Variants in CNTRL observed in about 807,000 individuals in gnomAD.
CNTRL encodes the protein 110 kDa centrosomal protein.
Under a neutral mutation model 303.7 loss-of-function variants are expected in CNTRL, and 233 were observed. That is an observed-to-expected ratio of 0.77 (90% CI 0.69 to 0.86). CNTRL has a LOEUF of 0.86. Ranked by LOEUF, CNTRL falls within the 40% of genes least tolerant of loss-of-function variation. The pLI, the probability that CNTRL is intolerant of heterozygous loss-of-function variation, is 0.00. For synonymous variants in CNTRL, 900 were observed against 922.2 expected (o/e 0.98, Z 0.44); for missense variants, 2,524 against 2,650.6 (o/e 0.95, Z 1.05).
rs1399281816 is a variant in CNTRL, at chr9:121,135,987, G to A, written c.2202+5G>A. 2.5e-6 allele frequency: 4 copies of A among 1,589,050 alleles called. No homozygotes were observed. Among genetic ancestry groups the A allele is most frequent in the Non-Finnish European group, 3.4e-6 (4 of 1,163,318 alleles). ...AAAGTAACAAGACTTACCCAGGTAA[G>A]TAGGAGCATGAAGCCAACTGCAAAC... On this transcript the variant is annotated splice_donor_5th_base_variant and intron_variant, in intron 15 of 43. Coordinates refer to ENST00000373855, the MANE Select transcript of CNTRL (RefSeq NM_007018.6).
intron 2 of CNTRL, among the ~76,000 whole-genome samples, chr9:121,080,815 C>A (rs995697043): frequency 2.2e-4 from 33 of 152,206 alleles, no homozygotes; most frequent in African/African-American, 7.7e-4. Flanking sequence ...TCCTTTCTGG[C>A]CCATCATAAA....
At chr9:121,076,007 T>C (rs1179381485) in intron 1 of CNTRL, among the ~76,000 whole-genome samples, 2 of 152,242 alleles carry the variant, frequency 1.3e-5, no homozygotes, top group Non-Finnish European at 2.9e-5. Context: ...TCTTTGAGGA[T>C]TTAAATTTGG....
At chr9:121,175,362 G>GCTCAAGTGATCCTCCCACCTCAGC in intron 43 of CNTRL, 138 bp downstream of exon 43, 1 of 747,096 alleles carries the variant, frequency 1.3e-6, no homozygotes, top group East Asian at 2.8e-5. Context: ...GACCTCCCAG[G>GCTCAAGTGATCCTCCCACCTCAGC]CTCAAGTGAT....
chr9:121,112,646 G>C (rs1250536475), intron 9 of CNTRL, 68 bp downstream of exon 9: 4 of 1,491,748 alleles, frequency 2.7e-6, no homozygotes, highest in Non-Finnish European at 3.7e-6. Flanking sequence ...GGGAGGGCAG[G>C]TGGTGAGGAC....
chr9:121,113,092 ATATAT>A (rs939451100), intron 9 of CNTRL, among the ~76,000 whole-genome samples: 16 of 152,316 alleles, frequency 1.1e-4, no homozygotes, highest in South Asian at 8.3e-4. Flanking sequence ...AATTATTAAA[ATATAT>A]TATACTGATG....
In CNTRL at chr9:121,171,533, G is replaced by A. The variant is rs370142724; in HGVS notation, c.6402G>A (p.Thr2134=). 58 of 1,613,544 alleles carry A rather than the reference G, an allele frequency of 3.6e-5. 1 individual carries two copies. Among genetic ancestry groups the A allele is most frequent in the Admixed American group, 1.7e-4 (10 of 59,948 alleles). The change falls in exon 40 of 44, where the codon ACG becomes ACA. Residue 2134 remains threonine, a synonymous_variant. Transcript: ENST00000373855. The part of the protein sequence containing the change: ...KELNQMQYEY[T]ELKKQMANQK... The stretch of plus-strand genomic sequence containing the variant: ...TCAACCAGATGCAGTATGAGTACAC[G>A]GAGCTCAAGAAACAGGTGTGTGCCC...
At position 121,170,701 on chromosome 9, in the gene CNTRL, A is replaced by C. The variant is rs1175375730; in HGVS notation, c.6277-707A>C. On this transcript the variant is annotated intron_variant, in intron 39 of 43. Transcript: ENST00000373855. Reference sequence around the variant, plus strand: ...CACTCCTGACCTTGTGATCCACACGACTTGGCCTCCCAAAGTGCTGGGATT... The same window carrying C: ...CACTCCTGACCTTGTGATCCACACGCCTTGGCCTCCCAAAGTGCTGGGATT... Among the ~76,000 whole-genome samples, 4 of 151,384 alleles carry C rather than the reference A, an allele frequency of 2.6e-5. No homozygotes were observed. The East Asian group carries it at 7.8e-4, about 30-fold the overall frequency.
chr9:121,113,735 G>T lies in CNTRL; in HGVS notation c.1345+11G>T, dbSNP rs766218059. 1.4e-6 allele frequency: 2 copies of T among 1,480,406 alleles called. No individual in the cohort carries two copies. Among genetic ancestry groups the T allele is most frequent in the South Asian group, 1.4e-5 (1 of 71,474 alleles). The allele number at this position is 1,480,406 out of a possible 1,614,324, so 91.7% of individuals were successfully genotyped here. A position where few individuals can be genotyped will look rare whatever the true frequency, so the allele number is the denominator to read the frequency against. On this transcript the variant is annotated intron_variant, in intron 10 of 43. Coordinates refer to ENST00000373855, the MANE Select transcript of CNTRL (RefSeq NM_007018.6). ...AAAAAATAAGTGCAGGTTAAAAAAA[G>T]TTATTTTAAATTCTTTAAAAAAAAA...
chr9:121,173,423 T>C lies in CNTRL; in HGVS notation c.6598T>C (p.Leu2200=). 1 of 1,613,970 alleles carries C rather than the reference T, an allele frequency of 6.2e-7. No individual in the cohort carries two copies. The highest frequency in any genetic ancestry group is 8.5e-7 in the Non-Finnish European group (1 of 1,180,004). ...LERNENLEGE[L]ESLKENLPFT... ...AAGAAACGAAAACCTAGAAGGAGAA[T>C]TGGAAAGCTTGAAAGAGAACCTTCC... The change falls in exon 41 of 44, where the codon TTG becomes CTG. Residue 2200 remains leucine, a synonymous_variant. Transcript: ENST00000373855.
chr9:121,122,211 T>G (rs773898240), intron 12 of CNTRL, among the ~76,000 whole-genome samples: 11 of 152,238 alleles, frequency 7.2e-5, no homozygotes, highest in Non-Finnish European at 1.3e-4. Context: ...AAGAAATTAT[T>G]TCTTGAGCCA....
At position 121,154,748 on chromosome 9, in the gene CNTRL, T is replaced by G. The variant is rs772110563; in HGVS notation, c.4200T>G (p.Ser1400Arg). 11 of 1,606,970 alleles carry G rather than the reference T, an allele frequency of 6.8e-6. No homozygotes were observed. The East Asian group carries it at 2.2e-4, about 33-fold the overall frequency. The change falls in exon 27 of 44, where the codon AGT (serine) becomes AGG (arginine). Residue 1400 changes from serine to arginine, a missense_variant. Coordinates refer to ENST00000373855, the MANE Select transcript of CNTRL (RefSeq NM_007018.6). ...ACTTCATTGATGGAAATGTTGAGAGTCTTATGACTGAACTAGAAATAGAAA... is the reference window on the plus strand; with the variant it reads ...ACTTCATTGATGGAAATGTTGAGAGGCTTATGACTGAACTAGAAATAGAAA... The part of the protein sequence containing the change: ...QKDFIDGNVE[S>R]LMTELEIEKS...
chr9:121,130,546 G>A (rs575772663), intron 14 of CNTRL, among the ~76,000 whole-genome samples: 4 of 151,724 alleles, frequency 2.6e-5, no homozygotes, highest in Admixed American at 6.6e-5. Context: ...TCTTGCTAGC[G>A]GTCTATCTAT....
chr9:121,131,809 C>T (rs2050877494), intron 14 of CNTRL, among the ~76,000 whole-genome samples: 1 of 152,158 alleles, frequency 6.6e-6, no homozygotes. Context: ...CCTTCAGGAG[C>T]TCTTGTAAGG....
chr9:121,096,645 A>C, intron 6 of CNTRL, 82 bp downstream of exon 6: 1 of 1,167,328 alleles, frequency 8.6e-7, no homozygotes. Flanking sequence ...TAAAAATGGG[A>C]TTTCTTCTTT....
At chr9:121,158,809 C>T (rs1362973551) in intron 30 of CNTRL, 46 bp from the exon 31 acceptor site, 1 of 1,562,264 alleles carries the variant, frequency 6.4e-7, no homozygotes, top group South Asian at 1.1e-5. Context: ...GCACTGAGGG[C>T]TGTATGGCCT....
intron 7 of CNTRL, among the ~76,000 whole-genome samples, chr9:121,104,884 A>G (rs1250908975): frequency 6.6e-6 from 1 of 151,992 alleles, no homozygotes; most frequent in African/African-American, 2.4e-5. Flanking sequence ...TATTTTTAGT[A>G]GAGACGGGGT....
intron 43 of CNTRL, among the ~76,000 whole-genome samples, chr9:121,175,586 A>G (rs1472124852): frequency 2.0e-5 from 3 of 152,212 alleles, no homozygotes; most frequent in Admixed American, 6.5e-5. Flanking sequence ...AACTCGTAAG[A>G]TAGGATTTAA....
intron 1 of CNTRL, among the ~76,000 whole-genome samples, chr9:121,077,961 G>A (rs766086169): frequency 1.6e-4 from 24 of 151,468 alleles, no homozygotes; most frequent in Non-Finnish European, 2.4e-4. Context: ...GGAAAAAAAC[G>A]CCAACTACGT....
chr9:121,075,195 C>G, intron 1 of CNTRL, 128 bp downstream of exon 1: 1 of 311,138 alleles, frequency 3.2e-6, no homozygotes, highest in East Asian at 1.0e-4. Flanking sequence ...GGGGCGGGGG[C>G]GCGTGTCTGG....
Sources: gnomAD v4.1 joint callset for allele counts (sites outside exome capture counted in the v4.1 genomes callset) on GRCh38, gnomAD v4.1.1 for gene constraint, MANE v1.5 for transcripts, NCBI Gene and HGNC (gene_info 2026-07-23, HGNC 2026-07-21) for gene names.